CCDC178: variants seen among roughly 807,000 people sequenced by gnomAD.
CCDC178 encodes the protein coiled-coil domain containing 178.
A neutral mutation model predicts 117.4 loss-of-function variants in CCDC178; 126 were observed. The observed-to-expected ratio is 1.07, with a 90% CI of 0.93 to 1.24. The LOEUF (loss-of-function observed/expected upper bound fraction) is 1.24. Ranked by LOEUF, CCDC178 falls within the 50% of genes most tolerant of loss-of-function variation. CCDC178 has a pLI of 0.00. For synonymous variants in CCDC178, 283 were observed against 313.4 expected (o/e 0.90, Z 1.02); for missense variants, 1,030 against 986.9 (o/e 1.04, Z -0.59).
intron 19 of CCDC178, 66 bp downstream of exon 19, chr18:33,215,484 G>A: frequency 1.1e-6 from 1 of 906,184 alleles, no homozygotes; most frequent in South Asian, 2.6e-5. Flanking sequence ...TTTAAATATG[G>A]AAATTTGATC....
At chr18:33,267,333 ATAGCTTTTCATCCTTCCAT>A in intron 12 of CCDC178, 36 bp from the exon 13 acceptor site, 3 of 1,162,800 alleles carry the variant, frequency 2.6e-6, no homozygotes, top group Non-Finnish European at 3.7e-6. Flanking sequence ...AGTGAATTGT[ATAGCTTTTCATCCTTCCAT>A]AAGGTAAAAA....
chr18:33,395,412 G>A (rs193149875), intron 4 of CCDC178, among the ~76,000 whole-genome samples: 21 of 151,856 alleles, frequency 1.4e-4, no homozygotes, highest in Middle Eastern at 3.4e-3. Flanking sequence ...CTATAGCCTC[G>A]GAGCAAAGGT....
chr18:33,215,401 A>G (rs1027001133), intron 19 of CCDC178, 149 bp downstream of exon 19: 2 of 493,706 alleles, frequency 4.1e-6, no homozygotes, highest in African/African-American at 4.0e-5. Flanking sequence ...TTTATAAACT[A>G]AAATTATCAA....
At chr18:33,219,965 C>G (rs562850901) in intron 18 of CCDC178, among the ~76,000 whole-genome samples, 81 of 151,996 alleles carry the variant, frequency 5.3e-4, no homozygotes, top group African/African-American at 1.7e-3. Context: ...CTCCCCTTTC[C>G]TACAGCCAAT....
At chr18:33,245,180 C>T (rs554387665) in intron 15 of CCDC178, 65 bp downstream of exon 15, 30 of 1,316,844 alleles carry the variant, frequency 2.3e-5, no homozygotes, top group Admixed American at 2.0e-4. Flanking sequence ...AAGATGAAAT[C>T]GATACAATTC....
At chr18:33,227,921 G>T (rs2059326722) in intron 15 of CCDC178, among the ~76,000 whole-genome samples, 1 of 152,048 alleles carries the variant, frequency 6.6e-6, no homozygotes, top group Non-Finnish European at 1.5e-5. Context: ...ATAGATTAGC[G>T]ACCTCTTCTA....
chr18:33,436,824 G>A (rs566104263), intron 2 of CCDC178, among the ~76,000 whole-genome samples: 4 of 152,308 alleles, frequency 2.6e-5, no homozygotes, highest in Non-Finnish European at 4.4e-5. Context: ...TCCACTGTGA[G>A]CAGATTTGGG....
At chr18:33,190,278 T>C (rs1047399598) in intron 20 of CCDC178, among the ~76,000 whole-genome samples, 1 of 152,198 alleles carries the variant, frequency 6.6e-6, no homozygotes, top group African/African-American at 2.4e-5. Flanking sequence ...CTTATTTCAT[T>C]GTGTATTAGG....
chr18:32,941,812 A>T (rs1437245669), intron 22 of CCDC178, among the ~76,000 whole-genome samples: 1 of 152,114 alleles, frequency 6.6e-6, no homozygotes, highest in African/African-American at 2.4e-5. Flanking sequence ...CATTATGTCT[A>T]CTTGTTTCTT....
chr18:33,382,421 G>C (rs1370438936), intron 5 of CCDC178, among the ~76,000 whole-genome samples: 4 of 152,130 alleles, frequency 2.6e-5, no homozygotes, highest in African/African-American at 9.7e-5. Flanking sequence ...AGCCATCTTG[G>C]AATTTACAGC....
chr18:33,334,524 T>A (rs1395038954), intron 9 of CCDC178, among the ~76,000 whole-genome samples: 1 of 152,092 alleles, frequency 6.6e-6, no homozygotes, highest in East Asian at 1.9e-4. Flanking sequence ...CTTGCATTCT[T>A]GGAATAAAAT....
intron 21 of CCDC178, among the ~76,000 whole-genome samples, chr18:33,091,623 A>G (rs1456392948): frequency 6.6e-6 from 1 of 151,818 alleles, no homozygotes; most frequent in Non-Finnish European, 1.5e-5. Flanking sequence ...ATGTATCTTC[A>G]TCTTGCTATC....
In CCDC178 at chr18:33,394,623, T is replaced by A. The variant is rs1030770120; in HGVS notation, c.118+2526A>T. On this transcript the variant is annotated intron_variant, in intron 4 of 22. Coordinates refer to ENST00000383096, the MANE Select transcript of CCDC178 (RefSeq NM_001105528.4). ...CATCAAAAAAACTTCAAGGAAAATA[T>A]AAATTATACAAAATTTCTCAGTTTT... 2.6e-5 allele frequency among the ~76,000 whole-genome samples: 4 copies of A among 151,858 alleles called. No homozygotes were observed. The East Asian group carries it at 7.7e-4, about 29-fold the overall frequency.
rs887382940 is a variant in CCDC178, at chr18:33,134,410, G to A, written c.2239-41500C>T. The stretch of plus-strand genomic sequence containing the variant: ...GCAGTTTTAAAAACAGTAATTACAA[G>A]CTTGCATCCCAAATTATCTCAAATG... On this transcript the variant is annotated intron_variant, in intron 20 of 22. Coordinates refer to ENST00000383096, the MANE Select transcript of CCDC178 (RefSeq NM_001105528.4). Among the ~76,000 whole-genome samples, 87 of 151,910 alleles carry A rather than the reference G, an allele frequency of 5.7e-4. 5 individuals are homozygous for A. The highest frequency in any genetic ancestry group is 9.7e-5 in the African/African-American group (4 of 41,400).
At chr18:33,148,809 G>A (rs1459902923) in intron 20 of CCDC178, among the ~76,000 whole-genome samples, 2 of 152,136 alleles carry the variant, frequency 1.3e-5, no homozygotes, top group African/African-American at 4.8e-5. Context: ...GTTGGTTTTT[G>A]TTGGGGCATG....
At chr18:33,001,835 A>G (rs1270231824) in intron 21 of CCDC178, among the ~76,000 whole-genome samples, 1 of 152,214 alleles carries the variant, frequency 6.6e-6, no homozygotes, top group Non-Finnish European at 1.5e-5. Flanking sequence ...AGGGATGGAA[A>G]AAGATACTCC....
intron 4 of CCDC178, among the ~76,000 whole-genome samples, chr18:33,395,083 T>C (rs998047908): frequency 6.8e-6 from 1 of 148,110 alleles, no homozygotes; most frequent in African/African-American, 2.5e-5. Flanking sequence ...GGGTGCAAAA[T>C]GACATTTGAC....
chr18:33,135,147 AAT>A (rs1480301018), intron 20 of CCDC178, among the ~76,000 whole-genome samples: 1 of 152,092 alleles, frequency 6.6e-6, no homozygotes, highest in East Asian at 1.9e-4. Flanking sequence ...TGAAGGTGAA[AAT>A]GTTTAAAATA....
At chr18:33,144,471 T>C (rs1226912431) in intron 20 of CCDC178, among the ~76,000 whole-genome samples, 4 of 152,068 alleles carry the variant, frequency 2.6e-5, no homozygotes, top group Admixed American at 1.3e-4. Context: ...GTTAAAGATA[T>C]TATAATATTA....
Sources: allele counts gnomAD v4.1 joint callset (sites outside exome capture counted in the v4.1 genomes callset), GRCh38; gene constraint gnomAD v4.1.1; transcripts MANE v1.5; gene names NCBI Gene and HGNC (gene_info 2026-07-23, HGNC 2026-07-21).